The following PRSS54 variants were observed in gnomAD, a reference collection of about 807,000 sequenced individuals.
PRSS54 encodes serine protease 54.
In PRSS54, 16 loss-of-function variants were observed where a neutral mutation model predicts 19.9. That is an observed-to-expected ratio of 0.80 (90% CI 0.54 to 1.22). The LOEUF (loss-of-function observed/expected upper bound fraction) is 1.22. Ranked by LOEUF, PRSS54 falls within the 50% of genes most tolerant of loss-of-function variation. The pLI is 0.00. For synonymous variants in PRSS54, 177 were observed against 195.8 expected (o/e 0.90, Z 0.80); for missense variants, 444 against 494.8 (o/e 0.90, Z 0.97).
At chr16:58,292,987 A>G (rs1307788325) in intron 3 of PRSS54, among the ~76,000 whole-genome samples, 1 of 152,176 alleles carries the variant, frequency 6.6e-6, no homozygotes, top group Non-Finnish European at 1.5e-5. Flanking sequence ...GCAAGAAGAC[A>G]GAGAGCTGCA....
chr16:58,286,639 G>A (rs1964926616), intron 4 of PRSS54, among the ~76,000 whole-genome samples: 1 of 152,094 alleles, frequency 6.6e-6, no homozygotes, highest in East Asian at 1.9e-4. Context: ...ACATTTTGGA[G>A]AAATTGAAGT....
Position 58,280,070 on chromosome 16 carries a change from A to G in PRSS54, c.*154T>C, listed in dbSNP as rs1029046504. The G allele has an allele frequency of 4.1e-6, 3 of 730,804 alleles. No individual in the cohort carries two copies. In the East Asian group the frequency reaches 8.1e-5, roughly 20 times the overall value. 45.3% of individuals were successfully genotyped at this position (730,804 alleles called of 1,614,324 possible). A position where few individuals can be genotyped will look rare whatever the true frequency, so the allele number is the denominator to read the frequency against. On this transcript the variant is annotated 3_prime_UTR_variant, in exon 7 of 7. Coordinates refer to ENST00000567164, the MANE Select transcript of PRSS54 (RefSeq NM_001305173.2). Reference sequence around the variant, plus strand: ...TGACCTTCCCACACCTGGGAGAGGGATAGAGGAGGGAGAGCCAGCCCAGTG... The same window carrying G: ...TGACCTTCCCACACCTGGGAGAGGGGTAGAGGAGGGAGAGCCAGCCCAGTG...
rs1204066258 is a variant in PRSS54 at position 58,291,151 on chromosome 16, C to T, written c.86-15G>A. 8 of 1,611,282 alleles carry T rather than the reference C, an allele frequency of 5.0e-6. No individual in the cohort carries two copies. The highest frequency in any genetic ancestry group is 6.8e-6 in the Non-Finnish European group (8 of 1,178,978). On this transcript the variant is annotated splice_polypyrimidine_tract_variant and intron_variant, in intron 3 of 6. Coordinates refer to ENST00000567164, the MANE Select transcript of PRSS54 (RefSeq NM_001305173.2). ...GACGCCACAACCTGCGGAGCAGGTG[C>T]GGGGCCTCACTGCCGGGGCAAGGAG...
chr16:58,284,806 C>G (rs116552128), intron 5 of PRSS54, 85 bp from the exon 6 acceptor site: 78 of 1,483,664 alleles, frequency 5.3e-5, no homozygotes, highest in Middle Eastern at 1.8e-4. Flanking sequence ...TATAGCCAAA[C>G]GAGAGTGAGA....
At chr16:58,289,865 C>T (rs1964999087) in intron 4 of PRSS54, among the ~76,000 whole-genome samples, 1 of 152,104 alleles carries the variant, frequency 6.6e-6, no homozygotes, top group Non-Finnish European at 1.5e-5. Context: ...GTGTGAGCCA[C>T]TGCACCCGGC....
chr16:58,286,537 A>G (rs1230493975), intron 4 of PRSS54, among the ~76,000 whole-genome samples: 1 of 151,826 alleles, frequency 6.6e-6, no homozygotes, highest in East Asian at 1.9e-4. Flanking sequence ...AAAAGTAGTA[A>G]TTGCAGTTCT....
chr16:58,288,621 G>A (rs1213759892), intron 4 of PRSS54, among the ~76,000 whole-genome samples: 1 of 147,370 alleles, frequency 6.8e-6, no homozygotes, highest in African/African-American at 2.5e-5. Flanking sequence ...GTCTTTCTTA[G>A]CCCAGTCTTT....
At chr16:58,293,442 G>T in intron 3 of PRSS54, 1 of 588,594 alleles carries the variant, frequency 1.7e-6, no homozygotes, top group Non-Finnish European at 2.1e-6. Flanking sequence ...GCAGGGGCTG[G>T]GAGTGAAGAG....
In PRSS54 at chr16:58,284,399, G is replaced by A. The variant is rs1034515842; in HGVS notation, c.654+191C>T. On this transcript the variant is annotated intron_variant, in intron 6 of 6. Coordinates refer to ENST00000567164, the MANE Select transcript of PRSS54 (RefSeq NM_001305173.2). ...TCATGTTACACTGAAAATCGTGACT[G>A]GTTAGTTCATTCAGCAGATTTTTAT... 16 of 564,484 alleles carry A rather than the reference G, an allele frequency of 2.8e-5. No homozygotes were observed. The African/African-American group carries it at 3.0e-4, about 11-fold the overall frequency. The allele number at this position is 564,484 out of a possible 1,614,324, so 35.0% of individuals were successfully genotyped here.
At chr16:58,283,193 T>A (rs570467524) in intron 6 of PRSS54, 1 of 152,200 alleles carries the variant, frequency 6.6e-6, no homozygotes, top group South Asian at 2.1e-4. Flanking sequence ...GGGAAACCCA[T>A]AGGCAGATTC....
chr16:58,292,517 A>G (rs139278688), intron 3 of PRSS54, among the ~76,000 whole-genome samples: 1 of 151,934 alleles, frequency 6.6e-6, no homozygotes, highest in African/African-American at 2.4e-5. Flanking sequence ...TGATTGTAAC[A>G]TATAGAATTA....
At position 58,280,684 on chromosome 16, in the gene PRSS54, A is replaced by G. The variant is rs759443437; in HGVS notation, c.728T>C (p.Phe243Ser). Residue 243 changes from phenylalanine to serine, a missense_variant, in exon 7 of 7, where the codon TTC (phenylalanine) becomes TCC (serine). Physicochemically the swap from Phe to Ser is radical, Grantham distance 155. Coordinates refer to ENST00000567164, the MANE Select transcript of PRSS54 (RefSeq NM_001305173.2). ...DLWVLRGVLN[F>S]GGETCPGLFL... The stretch of plus-strand genomic sequence containing the variant: ...CAGGCCAGGGCACGTCTCACCACCG[A>G]AGTTCAGGACTCCTCTCAGAACCCA... 1 of 1,614,168 alleles carries G rather than the reference A, an allele frequency of 6.2e-7. No homozygotes were observed. The highest frequency in any genetic ancestry group is 8.5e-7 in the Non-Finnish European group (1 of 1,180,036).
rs529063590 is a variant in PRSS54, at chr16:58,284,287, C to T, written c.654+303G>A. On this transcript the variant is annotated intron_variant, in intron 6 of 6. Coordinates refer to ENST00000567164, the MANE Select transcript of PRSS54 (RefSeq NM_001305173.2). ...ACAGCAGCCCCACACTGTAGACCTG[C>T]TCAAAGCATATCGGCCTCTGTGGTT... The T allele has an allele frequency of 1.4e-3, 454 of 322,128 alleles. 7 individuals carry two copies. The highest frequency in any genetic ancestry group is 0.013 in the South Asian group (358 of 28,578). 20.0% of individuals were successfully genotyped at this position (322,128 alleles called of 1,614,324 possible).
rs762664043 is a variant in PRSS54, at chr16:58,280,335, G to T, written c.1077C>A (p.Tyr359Ter). ...ASVQPLYYDY[Y>*]GGEVGEGRIF... is the part of the protein sequence containing the mutation. Reference sequence around the variant, plus strand: ...TCCTACCTTCCCCCACCTCCCCACCGTAATAGTCATAGTATAAGGGTTGTA... The same window carrying T: ...TCCTACCTTCCCCCACCTCCCCACCTTAATAGTCATAGTATAAGGGTTGTA... Residue 359 changes from tyrosine to a stop codon, truncating the protein, a stop_gained, in exon 7 of 7, where the codon TAC (tyrosine) becomes TAA (stop). Coordinates refer to ENST00000567164, the MANE Select transcript of PRSS54 (RefSeq NM_001305173.2). LOFTEE classifies it low-confidence loss of function (END_TRUNC). The T allele has an allele frequency of 2.5e-6, 4 of 1,613,990 alleles. No homozygotes were observed. The highest frequency in any genetic ancestry group is 3.4e-6 in the Non-Finnish European group (4 of 1,180,014).
rs372207284 is a variant in PRSS54, at chr16:58,289,094, G to A, written c.263+1865C>T. ...AGATTAAATGAGGTATAAGGCTGGG[G>A]CTGTAATCTAAGAGGACTGGTGTCC... On this transcript the variant is annotated intron_variant, in intron 4 of 6. Transcript: ENST00000567164. Among the ~76,000 whole-genome samples the A allele has an allele frequency of 8.5e-5, 13 of 152,274 alleles. No homozygotes were observed. In the East Asian group the frequency reaches 2.3e-3, roughly 27 times the overall value.
In PRSS54 at chr16:58,291,142, G is replaced by A. The variant is rs1344145569; in HGVS notation, c.86-6C>T. ...AGCTTTCTGGACGCCACAACCTGCG[G>A]AGCAGGTGCGGGGCCTCACTGCCGG... On this transcript the variant is annotated splice_polypyrimidine_tract_variant and splice_region_variant and intron_variant, in intron 3 of 6. Transcript: ENST00000567164. 2 of 1,613,182 alleles carry A rather than the reference G, an allele frequency of 1.2e-6. No individual in the cohort carries two copies. Among genetic ancestry groups the A allele is most frequent in the African/African-American group, 1.3e-5 (1 of 75,048 alleles).
At chr16:58,294,507 C>T (rs185041836) in intron 1 of PRSS54, among the ~76,000 whole-genome samples, 6 of 152,196 alleles carry the variant, frequency 3.9e-5, no homozygotes, top group Admixed American at 6.5e-5. Flanking sequence ...TGCGCCACCA[C>T]GCCCAGCTAA....
intron 4 of PRSS54, among the ~76,000 whole-genome samples, chr16:58,288,173 C>T (rs1207902686): frequency 6.6e-6 from 1 of 152,222 alleles, no homozygotes; most frequent in Non-Finnish European, 1.5e-5. Flanking sequence ...TGTCTATAAT[C>T]CCAGCACTTT....
intron 3 of PRSS54, chr16:58,293,419 C>A (rs1298877537): frequency 6.4e-6 from 3 of 470,444 alleles, no homozygotes; most frequent in East Asian, 3.1e-4. Context: ...CAGTATTCTC[C>A]TGGAAGGACA....
Sources: allele counts gnomAD v4.1 joint callset (sites outside exome capture counted in the v4.1 genomes callset), GRCh38; gene constraint gnomAD v4.1.1; transcripts MANE v1.5; gene names NCBI Gene and HGNC (gene_info 2026-07-23, HGNC 2026-07-21).